Variants in ZNF30 observed in about 807,000 individuals in gnomAD.
ZNF30 encodes zinc finger protein 30 (KOX 28).
A neutral mutation model predicts 13.2 loss-of-function variants in ZNF30; 15 were observed. That is an observed-to-expected ratio of 1.13 (90% CI 0.76 to 1.75). The LOEUF (loss-of-function observed/expected upper bound fraction) is 1.75. Among genes scored for constraint, ZNF30 ranks in the 40% most tolerant of loss-of-function variants. The pLI is 0.00. For missense variants in ZNF30, 726 were observed against 757.0 expected (o/e 0.96, Z 0.48); for synonymous variants, 223 against 256.6 (o/e 0.87, Z 1.25).
intron 4 of ZNF30, among the ~76,000 whole-genome samples, chr19:34,934,829 T>C (rs1008003642): frequency 2.0e-5 from 3 of 152,162 alleles, no homozygotes; most frequent in African/African-American, 7.2e-5. Context: ...GCTTAAAACC[T>C]AGATGACGGA....
intron 4 of ZNF30, among the ~76,000 whole-genome samples, chr19:34,939,071 G>A (rs2151671843): frequency 6.7e-6 from 1 of 150,316 alleles, no homozygotes; most frequent in South Asian, 2.1e-4. Flanking sequence ...CTGCCATCAG[G>A]TACTTAGAGT....
chr19:34,936,144 G>A (rs1325219465), intron 4 of ZNF30, among the ~76,000 whole-genome samples: 1 of 152,122 alleles, frequency 6.6e-6, no homozygotes, highest in Non-Finnish European at 1.5e-5. Context: ...GATTTGGGTG[G>A]GGACACAGCC....
intron 1 of ZNF30, among the ~76,000 whole-genome samples, chr19:34,928,215 A>AAC (rs1372875974): frequency 2.5e-5 from 2 of 78,652 alleles, no homozygotes; most frequent in Non-Finnish European, 4.6e-5. Context: ...CTCTAAAAAA[A>AAC]AAAAAATATA....
rs1600223116 is a variant in ZNF30, at chr19:34,934,745, A to T, written c.256+1022A>T. On this transcript the variant is annotated intron_variant, in intron 4 of 4. Transcript: ENST00000601142. ...CTTTGTAACCATCACTCTGGTCAAAAGATAAAACATTTTTACGGGGGCTGG... is the reference window on the plus strand; with the variant it reads ...CTTTGTAACCATCACTCTGGTCAAATGATAAAACATTTTTACGGGGGCTGG... Among the ~76,000 whole-genome samples, 5 of 152,308 alleles carry T rather than the reference A, an allele frequency of 3.3e-5. No homozygotes were observed. The South Asian group carries it at 1.0e-3, about 32-fold the overall frequency.
intron 4 of ZNF30, 49 bp downstream of exon 4, chr19:34,933,772 C>G (rs1160627373): frequency 2.3e-6 from 3 of 1,298,816 alleles, no homozygotes; most frequent in Admixed American, 4.0e-5. Context: ...TGGAAACAGC[C>G]CAGCTGTCAG....
At chr19:34,937,934 T>C (rs1022729330) in intron 4 of ZNF30, among the ~76,000 whole-genome samples, 1 of 152,274 alleles carries the variant, frequency 6.6e-6, no homozygotes, top group Non-Finnish European at 1.5e-5. Context: ...TAGCTGGGAC[T>C]ACAGGCGCCT....
chr19:34,939,349 T>G (rs1780800603), intron 4 of ZNF30, among the ~76,000 whole-genome samples: 1 of 151,772 alleles, frequency 6.6e-6, no homozygotes, highest in Non-Finnish European at 1.5e-5. Context: ...ACTGGATAAT[T>G]TTGTATTTTT....
At chr19:34,939,129 CCCCTCCCCT>C (rs2012894339) in intron 4 of ZNF30, among the ~76,000 whole-genome samples, 2 of 74,140 alleles carry the variant, frequency 2.7e-5, no homozygotes, top group Non-Finnish European at 4.8e-5. Flanking sequence ...TGTCTCCCCT[CCCCTCCCCT>C]CCCCTCCCCT....
chr19:34,929,978 A>G (rs1425317928), intron 2 of ZNF30, 22 bp downstream of exon 2: 2 of 1,599,924 alleles, frequency 1.3e-6, no homozygotes, highest in Middle Eastern at 1.7e-4. Context: ...TTTCTTCTTG[A>G]AATATGGGGA....
In ZNF30 at chr19:34,929,946, G is replaced by A; in HGVS notation, c.-2G>A. On this transcript the variant is annotated 5_prime_UTR_variant, in exon 2 of 5. Coordinates refer to ENST00000601142, the MANE Select transcript of ZNF30 (RefSeq NM_194325.3). ...CTGATCAGTTCTTACAATTCTCAAA[G>A]CATGGCCCATGTAAGTTGGTGTTTC... The A allele has an allele frequency of 2.5e-6, 4 of 1,607,400 alleles. No homozygotes were observed. In the South Asian group the frequency reaches 4.5e-5, roughly 18 times the overall value.
upstream of ZNF30, among the ~76,000 whole-genome samples, chr19:34,924,501 T>C (rs2151658557): frequency 6.6e-6 from 1 of 152,242 alleles, no homozygotes; most frequent in East Asian, 1.9e-4. Flanking sequence ...AGAGAGCACA[T>C]TGTACATAAT....
At chr19:34,923,975 C>T (rs950365625), upstream of ZNF30, 1 of 152,222 alleles carries the variant, frequency 6.6e-6, no homozygotes, top group Non-Finnish European at 1.5e-5. Context: ...TAGAACATCA[C>T]TGACAGTGGC....
chr19:34,943,744 T>G lies in ZNF30; in HGVS notation c.778T>G (p.Phe260Val). 1 of 1,613,910 alleles carries G rather than the reference T, an allele frequency of 6.2e-7. No individual in the cohort carries two copies. The highest frequency in any genetic ancestry group is 1.3e-5 in the African/African-American group (1 of 75,042). ...GAGTACTCACACTGGTGAAAAACCCTTTGGGTGTGAGGAGTGTGGGAAGGC... is the reference window on the plus strand; with the variant it reads ...GAGTACTCACACTGGTGAAAAACCCGTTGGGTGTGAGGAGTGTGGGAAGGC... Reference protein sequence around the residue: ...HQSTHTGEKPFGCEECGKAFS... With the variant: ...HQSTHTGEKPVGCEECGKAFS... The change falls in exon 5 of 5, where the codon TTT becomes GTT. Residue 260 changes from phenylalanine (F) to valine (V), a missense_variant. Phe to Val is a conservative substitution (Grantham distance 50). Transcript: ENST00000601142.
chr19:34,928,756 G>A (rs1204084076), intron 1 of ZNF30, among the ~76,000 whole-genome samples: 1 of 152,070 alleles, frequency 6.6e-6, no homozygotes, highest in African/African-American at 2.4e-5. Context: ...AGGTTGCAGT[G>A]AGCCAAGATC....
chr19:34,944,701 C>T lies in ZNF30; in HGVS notation c.1735C>T (p.Leu579Phe), dbSNP rs746125828. 6.2e-6 allele frequency: 10 copies of T among 1,612,380 alleles called. No homozygotes were observed. The Admixed American group carries it at 1.3e-4, about 22-fold the overall frequency. ...ECKECGKAFR[L>F]NSFLTEHQRV... ...TAAGGAATGCGGGAAGGCCTTTAGA[C>T]TTAATTCATTCCTTACTGAACATCA... The change falls in exon 5 of 5, where the codon CTT becomes TTT. Residue 579 changes from leucine (L) to phenylalanine (F), a missense_variant. Coordinates refer to ENST00000601142, the MANE Select transcript of ZNF30 (RefSeq NM_194325.3).
chr19:34,943,494 T>C lies in ZNF30; in HGVS notation c.528T>C (p.Tyr176=). ...HQRLHVGEKP[Y]KYEKCGKAFI... Reference sequence around the variant, plus strand: ...GATTGCATGTTGGTGAGAAACCCTATAAATATGAAAAATGTGGGAAGGCCT... The same window carrying C: ...GATTGCATGTTGGTGAGAAACCCTACAAATATGAAAAATGTGGGAAGGCCT... The change falls in exon 5 of 5, where the codon TAT becomes TAC. Residue 176 remains tyrosine (Y), a synonymous_variant. Transcript: ENST00000601142. 6.2e-7 allele frequency: 1 copy of C among 1,613,824 alleles called. No homozygotes were observed. Among genetic ancestry groups the C allele is most frequent in the Non-Finnish European group, 8.5e-7 (1 of 1,179,820 alleles).
At position 34,933,657 on chromosome 19, in the gene ZNF30, G is replaced by A. The variant is rs369621278; in HGVS notation, c.190G>A (p.Ala64Thr). The A allele has an allele frequency of 4.0e-5, 64 of 1,601,314 alleles. No homozygotes were observed. The highest frequency in any genetic ancestry group is 2.3e-4 in the South Asian group (20 of 88,348). ...TTCCCGTTCTAAACCACATGTGATC[G>A]CCTTATTGGAACAATGGAAAGAGCC... ...GHSRSKPHVI[A>T]LLEQWKEPEV... The change falls in exon 4 of 5, where the codon GCC (alanine) becomes ACC (threonine). Residue 64 changes from alanine to threonine, a missense_variant. Transcript: ENST00000601142.
chr19:34,945,091 A>G lies in ZNF30; in HGVS notation c.*253A>G. On this transcript the variant is annotated 3_prime_UTR_variant, in exon 5 of 5. Coordinates refer to ENST00000601142, the MANE Select transcript of ZNF30 (RefSeq NM_194325.3). ...ATTACTTAATGGTTACAGCACTGAC[A>G]GCATGAACTTTTATATGATGCATTT... The G allele has an allele frequency of 2.5e-6, 1 of 393,928 alleles. No individual in the cohort carries two copies. Among genetic ancestry groups the G allele is most frequent in the Non-Finnish European group, 4.5e-6 (1 of 222,200 alleles). The allele number at this position is 393,928 out of a possible 1,614,324, so 24.4% of individuals were successfully genotyped here. A position where few individuals can be genotyped will look rare whatever the true frequency, so the allele number is the denominator to read the frequency against.
intron 1 of ZNF30, among the ~76,000 whole-genome samples, chr19:34,928,105 G>C (rs1203713876): frequency 6.6e-6 from 1 of 151,156 alleles, no homozygotes; most frequent in Non-Finnish European, 1.5e-5. Flanking sequence ...CTTGAGAGGC[G>C]GAGGTGGGAG....
Sources: gnomAD v4.1 joint callset for allele counts (sites outside exome capture counted in the v4.1 genomes callset) on GRCh38, gnomAD v4.1.1 for gene constraint, MANE v1.5 for transcripts, NCBI Gene and HGNC (gene_info 2026-07-23, HGNC 2026-07-21) for gene names.